RAP1GAP2: variants seen among roughly 807,000 people sequenced by gnomAD.
RAP1GAP2 encodes rap1 GTPase-activating protein 2.
In RAP1GAP2, 27 loss-of-function variants were observed where a neutral mutation model predicts 95.0. The observed-to-expected ratio is 0.28, with a 90% confidence interval of 0.21 to 0.39. The LOEUF is 0.39. RAP1GAP2 is among the 10% of genes least tolerant of loss of function. The probability of loss-of-function intolerance (pLI) is 1.00; values close to 1 mark genes in which losing one functional copy is unlikely to be tolerated. For missense variants in RAP1GAP2, 771 were observed against 970.0 expected, an observed-to-expected ratio of 0.79 and a Z score of 2.72; for synonymous variants, 373 against 380.9, an observed-to-expected ratio of 0.98 and a Z score of 0.24.
At chr17:3,006,236 C>T (rs1250395719) in intron 16 of RAP1GAP2, among the ~76,000 whole-genome samples, 195 bp downstream of exon 16, 1 of 147,880 alleles carries the variant, frequency 6.8e-6, no homozygotes, top group East Asian at 2.1e-4. Context: ...TCAAGTGATT[C>T]TCCTGCCTCA....
At chr17:2,760,860 G>A (rs1399159620) in intron 1 of RAP1GAP2, among the ~76,000 whole-genome samples, 2 of 152,104 alleles carry the variant, frequency 1.3e-5, no homozygotes, top group Non-Finnish European at 2.9e-5. Flanking sequence ...TCACTCAGTT[G>A]GGATTTCTCT....
At position 2,827,415 on chromosome 17, in the gene RAP1GAP2, C is replaced by T. The variant is rs2070618875; in HGVS notation, c.80+26865C>T. ...CAGATGGTTTCAGACAGTGCCCAGTCCTGCGAAGGAAATAGAACAGTGAGG... is the reference window on the plus strand; with the variant it reads ...CAGATGGTTTCAGACAGTGCCCAGTTCTGCGAAGGAAATAGAACAGTGAGG... On this transcript the variant is annotated intron_variant, in intron 2 of 24. Coordinates refer to ENST00000254695, the MANE Select transcript of RAP1GAP2 (RefSeq NM_015085.5). The surrounding 1 kb of genome is among the most constrained non-coding windows in gnomAD (Gnocchi z 4.1). 6.6e-6 allele frequency among the ~76,000 whole-genome samples: 1 copy of T among 152,090 alleles called. No individual in the cohort carries two copies. Among genetic ancestry groups the T allele is most frequent in the African/African-American group, 2.4e-5 (1 of 41,404 alleles).
intron 2 of RAP1GAP2, among the ~76,000 whole-genome samples, chr17:2,864,749 G>A (rs1398004957): frequency 6.6e-6 from 1 of 152,214 alleles, no homozygotes; most frequent in Non-Finnish European, 1.5e-5. Flanking sequence ...CAGCCTAGCG[G>A]GGCGCCCTGT....
In RAP1GAP2 at chr17:2,797,459, G is replaced by A. The variant is rs1198750549; in HGVS notation, c.44+888G>A. 6.6e-6 allele frequency among the ~76,000 whole-genome samples: 1 copy of A among 152,054 alleles called. No individual in the cohort carries two copies. Among genetic ancestry groups the A allele is most frequent in the Non-Finnish European group, 1.5e-5 (1 of 68,022 alleles). On this transcript the variant is annotated intron_variant, in intron 1 of 24. Coordinates refer to ENST00000254695, the MANE Select transcript of RAP1GAP2 (RefSeq NM_015085.5). The surrounding 1 kb of genome is among the most constrained non-coding windows in gnomAD (Gnocchi z 5.6). Reference sequence around the variant, plus strand: ...GTTTCCTTTCAGTGCCTGGGCTGGGGGCGTTGTCAGACTGGGAGAGGGCCC... The same window carrying A: ...GTTTCCTTTCAGTGCCTGGGCTGGGAGCGTTGTCAGACTGGGAGAGGGCCC...
intron 2 of RAP1GAP2, among the ~76,000 whole-genome samples, chr17:2,834,997 G>T (rs1185979090): frequency 1.3e-5 from 2 of 151,824 alleles, no homozygotes; most frequent in African/African-American, 4.8e-5. Context: ...TCTCCTCACT[G>T]CACACTCCAC....
At chr17:2,975,865 C>T (rs1305476511) in intron 8 of RAP1GAP2, among the ~76,000 whole-genome samples, 2 of 152,230 alleles carry the variant, frequency 1.3e-5, no homozygotes, top group Non-Finnish European at 2.9e-5. Flanking sequence ...ATTTTGACTC[C>T]GAACACCTTA....
intron 4 of RAP1GAP2, among the ~76,000 whole-genome samples, chr17:2,961,807 G>T (rs1022084227): frequency 8.6e-5 from 13 of 152,036 alleles, no homozygotes; most frequent in African/African-American, 3.1e-4. Flanking sequence ...GCCTGTTGGC[G>T]TGGGCTCTAG....
intron 1 of RAP1GAP2, among the ~76,000 whole-genome samples, chr17:2,788,488 G>A (rs1204133755): frequency 6.6e-6 from 1 of 152,010 alleles, no homozygotes; most frequent in African/African-American, 2.4e-5. Context: ...GTAGAGACGT[G>A]GGTTTCACCA....
At chr17:2,988,341 G>A (rs930738084) in intron 11 of RAP1GAP2, among the ~76,000 whole-genome samples, 31 of 152,078 alleles carry the variant, frequency 2.0e-4, no homozygotes, top group Non-Finnish European at 2.9e-4. Flanking sequence ...CTGACAAAAC[G>A]ATAGCACAAT....
intron 2 of RAP1GAP2, among the ~76,000 whole-genome samples, 195 bp downstream of exon 2, chr17:2,800,745 G>A (rs928344568): frequency 1.3e-5 from 2 of 152,168 alleles, no homozygotes; most frequent in African/African-American, 2.4e-5. Context: ...GAGAGGTAGA[G>A]GTGGGAATGG....
At chr17:2,969,181 A>ATCTATC (rs146508761) in intron 8 of RAP1GAP2, among the ~76,000 whole-genome samples, 98 of 147,106 alleles carry the variant, frequency 6.7e-4, no homozygotes, top group African/African-American at 1.6e-3. Flanking sequence ...CTATCTATCT[A>ATCTATC]TATATATATA....
intron 3 of RAP1GAP2, among the ~76,000 whole-genome samples, chr17:2,928,645 C>G (rs950986469): frequency 6.6e-6 from 1 of 152,186 alleles, no homozygotes; most frequent in Non-Finnish European, 1.5e-5. Context: ...GGCGAGTAAA[C>G]AGGCACACAT....
chr17:2,877,585 T>TA (rs1374317997), intron 2 of RAP1GAP2, among the ~76,000 whole-genome samples: 1 of 151,930 alleles, frequency 6.6e-6, no homozygotes, highest in East Asian at 1.9e-4. Flanking sequence ...CCATCTCTAC[T>TA]AAAAAAACAC....
At chr17:2,932,938 C>T (rs1185176922) in intron 3 of RAP1GAP2, among the ~76,000 whole-genome samples, 1 of 151,968 alleles carries the variant, frequency 6.6e-6, no homozygotes, top group African/African-American at 2.4e-5. Context: ...AGCCCCTTTC[C>T]TCCTCCAGGC....
intron 2 of RAP1GAP2, among the ~76,000 whole-genome samples, chr17:2,886,171 A>ATATATATATATATAT (rs1172583026): frequency 8.1e-6 from 1 of 123,352 alleles, no homozygotes; most frequent in African/African-American, 3.2e-5. Context: ...GTATATATAT[A>ATATATATATATATAT]TTTTTTTTTT....
intron 3 of RAP1GAP2, among the ~76,000 whole-genome samples, chr17:2,911,992 A>C (rs911149027): frequency 2.0e-5 from 3 of 152,156 alleles, no homozygotes; most frequent in African/African-American, 7.2e-5. Flanking sequence ...GTCTGAGGGC[A>C]GCCCCTCTCA....
chr17:2,963,797 C>T lies in RAP1GAP2; in HGVS notation c.280-59C>T, dbSNP rs905160140. The T allele has an allele frequency of 1.4e-6, 2 of 1,418,562 alleles. No individual in the cohort carries two copies. The highest frequency in any genetic ancestry group is 1.9e-6 in the Non-Finnish European group (2 of 1,048,348). 87.9% of individuals were successfully genotyped at this position (1,418,562 alleles called of 1,614,324 possible). A position where few individuals can be genotyped will look rare whatever the true frequency, so the allele number is the denominator to read the frequency against. On this transcript the variant is annotated intron_variant, in intron 6 of 24. Transcript: ENST00000254695. The surrounding 1 kb of genome is among the most constrained non-coding windows in gnomAD (Gnocchi z 4.8). ...GAGCAGCGCAGAGGGGACACCGCCA[C>T]CGGCCCCCTCCCTCCCCTGCGGTCC...
intron 2 of RAP1GAP2, among the ~76,000 whole-genome samples, chr17:2,858,111 A>G (rs2072223022): frequency 6.6e-6 from 1 of 152,124 alleles, no homozygotes; most frequent in Non-Finnish European, 1.5e-5. Flanking sequence ...AAAAAAAGGT[A>G]CGTTCTGAAA....
intron 8 of RAP1GAP2, among the ~76,000 whole-genome samples, chr17:2,969,818 C>CT (rs1333434341): frequency 6.6e-6 from 1 of 151,830 alleles, no homozygotes; most frequent in African/African-American, 2.4e-5. Flanking sequence ...TATATATATT[C>CT]TTATTTCCTT....
Sources: gnomAD v4.1 joint callset for allele counts (sites outside exome capture counted in the v4.1 genomes callset) on GRCh38, gnomAD v4.1.1 for gene constraint, Gnocchi (gnomAD v3.1) non-coding constraint, MANE v1.5 for transcripts, NCBI Gene and HGNC (gene_info 2026-07-23, HGNC 2026-07-21) for gene names.